The following SCFD2 variants were observed in gnomAD, a reference collection of about 807,000 sequenced individuals.
The protein encoded by SCFD2 is sec1 family domain-containing protein 2.
A neutral mutation model predicts 58.9 loss-of-function variants in SCFD2; 54 were observed. The ratio of observed to expected loss-of-function variants is 0.92; its 90% CI spans 0.74 to 1.15. The LOEUF (loss-of-function observed/expected upper bound fraction) is 1.15. SCFD2 is among the 50% of genes most tolerant of loss of function. The probability of loss-of-function intolerance (pLI) is 0.00; values close to 1 mark genes in which losing one functional copy is unlikely to be tolerated. For synonymous variants in SCFD2, 321 were observed against 335.9 expected (o/e 0.96, Z 0.49); for missense variants, 805 against 836.6 (o/e 0.96, Z 0.47).
rs1356466981 is a variant in SCFD2, at chr4:53,365,095, T to C, written c.838+9A>G. The C allele has an allele frequency of 1.9e-6, 3 of 1,611,944 alleles. No individual in the cohort carries two copies. The African/African-American group carries it at 4.0e-5, about 22-fold the overall frequency. ...ATGGTAATGAAGAACTCCAGAGCAATGCACTTACCTGTGAGATCCAGGGTT... is the reference window on the plus strand; with the variant it reads ...ATGGTAATGAAGAACTCCAGAGCAACGCACTTACCTGTGAGATCCAGGGTT... On this transcript the variant is annotated intron_variant, in intron 1 of 8. Coordinates refer to ENST00000401642, the MANE Select transcript of SCFD2 (RefSeq NM_152540.4). This position sits in a 1 kb window ranked among gnomAD's most constrained non-coding sequence, Gnocchi z 4.3.
At chr4:53,269,091 G>A (rs114981723) in intron 4 of SCFD2, among the ~76,000 whole-genome samples, 411 of 152,198 alleles carry the variant, frequency 2.7e-3, no homozygotes, top group African/African-American at 9.2e-3. Context: ...AGGCCAAGGC[G>A]GGAGGATCAC....
At chr4:53,010,196 A>G (rs1722064269) in intron 5 of SCFD2, among the ~76,000 whole-genome samples, 1 of 152,238 alleles carries the variant, frequency 6.6e-6, no homozygotes, top group Admixed American at 6.5e-5. Flanking sequence ...CTGGCCTCAA[A>G]GAAAACATAT....
At position 53,262,970 on chromosome 4, in the gene SCFD2, A is replaced by G. The variant is rs12499731; in HGVS notation, c.1311+10856T>C. The stretch of plus-strand genomic sequence containing the variant: ...TTTTAAAATTATTTTTTCTTTGTCT[A>G]TGATGGATTGGGTTAATTCGAAAGC... On this transcript the variant is annotated intron_variant, in intron 4 of 8. Coordinates refer to ENST00000401642, the MANE Select transcript of SCFD2 (RefSeq NM_152540.4). 1.1e-3 allele frequency among the ~76,000 whole-genome samples: 165 copies of G among 151,908 alleles called. 2 individuals are homozygous for G. The East Asian group carries it at 0.029, about 27-fold the overall frequency.
At chr4:53,215,387 T>C (rs1161608724) in intron 4 of SCFD2, among the ~76,000 whole-genome samples, 2 of 152,276 alleles carry the variant, frequency 1.3e-5, no homozygotes, top group East Asian at 3.9e-4. Context: ...TAAGTTGGAT[T>C]CCTAGGTATT....
chr4:52,992,090 T>C (rs1721625039), intron 5 of SCFD2, among the ~76,000 whole-genome samples: 2 of 152,156 alleles, frequency 1.3e-5, no homozygotes, highest in African/African-American at 4.8e-5. Context: ...GAAGCTGGAC[T>C]GTACTGCCAC....
chr4:53,168,596 T>G (rs1442891386), intron 4 of SCFD2, among the ~76,000 whole-genome samples: 2 of 152,212 alleles, frequency 1.3e-5, no homozygotes, highest in African/African-American at 2.4e-5. Context: ...CTATCAAAAG[T>G]AACCTGAACA....
At chr4:53,090,263 C>G (rs997968074) in intron 5 of SCFD2, among the ~76,000 whole-genome samples, 6 of 152,152 alleles carry the variant, frequency 3.9e-5, no homozygotes, top group Non-Finnish European at 8.8e-5. Flanking sequence ...AAATCCAAAA[C>G]AAACCTCTCA....
intron 6 of SCFD2, among the ~76,000 whole-genome samples, chr4:52,919,436 G>C (rs892441218): frequency 2.0e-5 from 3 of 152,118 alleles, no homozygotes; most frequent in African/African-American, 7.2e-5. Context: ...TGTCGCCGTG[G>C]CATTCTCAGA....
At chr4:52,981,300 G>T (rs1041409612) in intron 5 of SCFD2, among the ~76,000 whole-genome samples, 13 of 152,122 alleles carry the variant, frequency 8.5e-5, no homozygotes, top group African/African-American at 2.7e-4. Flanking sequence ...CAGTAAATTT[G>T]CTTTCTAAGA....
intron 4 of SCFD2, among the ~76,000 whole-genome samples, chr4:53,258,311 C>T (rs1476186075): frequency 1.3e-5 from 2 of 151,616 alleles, no homozygotes; most frequent in African/African-American, 4.9e-5. Flanking sequence ...GTCTTTTATC[C>T]CCCGCCTACA....
intron 5 of SCFD2, among the ~76,000 whole-genome samples, chr4:53,049,039 G>A (rs961346646): frequency 1.4e-4 from 22 of 152,178 alleles, no homozygotes; most frequent in Admixed American, 5.2e-4. Context: ...GATGAACAGT[G>A]TGTGAGAATT....
chr4:53,133,650 T>C (rs1725858541), intron 5 of SCFD2, among the ~76,000 whole-genome samples: 1 of 152,226 alleles, frequency 6.6e-6, no homozygotes, highest in Admixed American at 6.5e-5. Context: ...TAGAATGTGG[T>C]CTTGTTTTAC....
intron 5 of SCFD2, among the ~76,000 whole-genome samples, chr4:52,946,026 A>T (rs1720416100): frequency 6.6e-6 from 1 of 152,222 alleles, no homozygotes; most frequent in East Asian, 1.9e-4. Context: ...GGAGAAAATA[A>T]AACCACGTGC....
chr4:53,116,412 C>T (rs1456522092), intron 5 of SCFD2, among the ~76,000 whole-genome samples: 1 of 152,144 alleles, frequency 6.6e-6, no homozygotes, highest in East Asian at 1.9e-4. Flanking sequence ...AATGTACTGG[C>T]TGTTAAAAGC....
At chr4:53,199,532 T>C (rs545214915) in intron 4 of SCFD2, among the ~76,000 whole-genome samples, 1 of 152,274 alleles carries the variant, frequency 6.6e-6, no homozygotes, top group East Asian at 1.9e-4. Flanking sequence ...TAGCTGACTT[T>C]ATGTTAATAA....
chr4:53,352,883 A>G, intron 1 of SCFD2, 117 bp from the exon 2 acceptor site: 6 of 865,234 alleles, frequency 6.9e-6, no homozygotes, highest in Non-Finnish European at 9.0e-6. Context: ...TTTCTGTTCA[A>G]CAAAACTCAC....
intron 5 of SCFD2, among the ~76,000 whole-genome samples, chr4:52,929,484 T>C (rs301126): frequency 0.21 from 31,255 of 152,164 alleles, 3,823 homozygotes; most frequent in East Asian, 0.56. Flanking sequence ...GTGATGGACA[T>C]GGAAAGACTT....
chr4:53,241,549 C>A (rs554546988), intron 4 of SCFD2, among the ~76,000 whole-genome samples: 7 of 152,316 alleles, frequency 4.6e-5, no homozygotes, highest in South Asian at 2.1e-4. Flanking sequence ...TCCAGTAGAG[C>A]AGCCCCATTG....
At chr4:53,189,009 A>G (rs569717387) in intron 4 of SCFD2, among the ~76,000 whole-genome samples, 1 of 152,326 alleles carries the variant, frequency 6.6e-6, no homozygotes, top group South Asian at 2.1e-4. Flanking sequence ...TGCTCATGCA[A>G]TGTATTCATT....
Sources: allele counts gnomAD v4.1 joint callset (sites outside exome capture counted in the v4.1 genomes callset), GRCh38; gene constraint gnomAD v4.1.1; non-coding constraint Gnocchi (gnomAD v3.1); transcripts MANE v1.5; gene names NCBI Gene and HGNC (gene_info 2026-07-23, HGNC 2026-07-21).